Variants in ADGRB3 observed in about 807,000 individuals in gnomAD.
ADGRB3 encodes adhesion G protein-coupled receptor B3, also known as brain-specific angiogenesis inhibitor 3.
Under a neutral mutation model 193.4 loss-of-function variants are expected in ADGRB3, and 37 were observed. The ratio of observed to expected loss-of-function variants is 0.19; its 90% CI spans 0.15 to 0.25. The LOEUF (loss-of-function observed/expected upper bound fraction) is 0.25. ADGRB3 is among the 10% of genes least tolerant of loss of function. The pLI is 1.00. For missense variants in ADGRB3, 1,637 were observed against 1,852.9 expected (o/e 0.88, Z 2.14); for synonymous variants, 690 against 644.2 (o/e 1.07, Z -1.08).
intron 20 of ADGRB3, among the ~76,000 whole-genome samples, chr6:69,247,003 A>G (rs1414174894): frequency 6.6e-6 from 1 of 152,154 alleles, no homozygotes; most frequent in Non-Finnish European, 1.5e-5. Context: ...GACTTGATCA[A>G]TTCTACTCTC....
At chr6:68,815,602 ATT>A (rs1491320697) in intron 3 of ADGRB3, among the ~76,000 whole-genome samples, 1 of 86,502 alleles carries the variant, frequency 1.2e-5, no homozygotes, top group Non-Finnish European at 2.2e-5. Flanking sequence ...ACCATCAAAA[ATT>A]GTGTGTGTGT....
intron 18 of ADGRB3, among the ~76,000 whole-genome samples, chr6:69,234,109 T>C (rs781030716): frequency 6.6e-6 from 1 of 152,174 alleles, no homozygotes; most frequent in Non-Finnish European, 1.5e-5. Flanking sequence ...TCTGCCTACA[T>C]TTGGCCTAAA....
rs183570911 is a variant in ADGRB3, at chr6:69,361,415, G to A, written c.4142G>A (p.Arg1381His). 11 of 1,612,748 alleles carry A rather than the reference G, an allele frequency of 6.8e-6. No homozygotes were observed. The highest frequency in any genetic ancestry group is 6.7e-5 in the East Asian group (3 of 44,866). Residue 1381 changes from arginine (R) to histidine (H), a missense_variant, in exon 29 of 32, where the codon CGC becomes CAC. Physicochemically the swap from Arg to His is conservative, Grantham distance 29. This residue lies in a region of ADGRB3 where 368 missense variants were observed against 367.4 expected (regional missense o/e 1.00). Transcript: ENST00000370598. ...ATGCAGAATTTGCCCTTTGAACCTC[G>A]CACAGCTGTGAAGAATTTCATGGCC... ...EHMQNLPFEP[R>H]TAVKNFMASE...
intron 30 of ADGRB3, among the ~76,000 whole-genome samples, chr6:69,372,743 G>T (rs1769732573): frequency 1.3e-5 from 2 of 151,984 alleles, no homozygotes; most frequent in African/African-American, 4.8e-5. Context: ...TTTGTAGGGA[G>T]GGGGAATGTC....
chr6:68,644,654 A>C (rs974142626), intron 3 of ADGRB3, among the ~76,000 whole-genome samples: 2 of 152,202 alleles, frequency 1.3e-5, no homozygotes, highest in African/African-American at 2.4e-5. Flanking sequence ...TATTATTAAA[A>C]TTATAGGCCC....
intron 17 of ADGRB3, among the ~76,000 whole-genome samples, chr6:69,087,892 T>G (rs891764694): frequency 6.6e-6 from 1 of 152,210 alleles, no homozygotes; most frequent in African/African-American, 2.4e-5. Context: ...TGCCTTAGCT[T>G]AATGTATTTC....
intron 3 of ADGRB3, among the ~76,000 whole-genome samples, chr6:68,792,257 T>C (rs1344142636): frequency 6.6e-6 from 1 of 152,196 alleles, no homozygotes; most frequent in Non-Finnish European, 1.5e-5. Flanking sequence ...AGGAATCCAC[T>C]TGTGTCTTCC....
At chr6:69,158,333 T>C (rs1247286318) in intron 17 of ADGRB3, among the ~76,000 whole-genome samples, 1 of 151,860 alleles carries the variant, frequency 6.6e-6, no homozygotes, top group African/African-American at 2.4e-5. Flanking sequence ...TTCCCCCATC[T>C]CTCATAGCTA....
chr6:69,012,987 G>A (rs796335602), intron 11 of ADGRB3, among the ~76,000 whole-genome samples: 9 of 152,066 alleles, frequency 5.9e-5, no homozygotes, highest in African/African-American at 2.2e-4. Flanking sequence ...AGACGAGATG[G>A]GTTCTGAGAA....
At chr6:69,219,450 T>C (rs1158308309) in intron 17 of ADGRB3, among the ~76,000 whole-genome samples, 1 of 119,888 alleles carries the variant, frequency 8.3e-6, no homozygotes, top group Non-Finnish European at 1.8e-5. Flanking sequence ...AACTTAAAAA[T>C]ACACACACAC....
intron 3 of ADGRB3, among the ~76,000 whole-genome samples, chr6:68,905,693 G>T (rs570963014): frequency 4.3e-4 from 66 of 152,058 alleles, no homozygotes; most frequent in Non-Finnish European, 7.6e-4. Context: ...TCATCCCCAC[G>T]TCTCCTTGCT....
intron 17 of ADGRB3, among the ~76,000 whole-genome samples, chr6:69,183,691 G>A (rs1442494432): frequency 6.6e-6 from 1 of 152,024 alleles, no homozygotes; most frequent in African/African-American, 2.4e-5. Context: ...AAATCCATAT[G>A]TTAACCTTAA....
At chr6:69,093,534 T>G (rs1772776603) in intron 17 of ADGRB3, among the ~76,000 whole-genome samples, 2 of 144,194 alleles carry the variant, frequency 1.4e-5, no homozygotes, top group Non-Finnish European at 3.0e-5. Flanking sequence ...CAGGGGGATA[T>G]GGGGTTGGGC....
intron 23 of ADGRB3, chr6:69,332,500 A>G: frequency 1.0e-6 from 1 of 985,374 alleles, no homozygotes; most frequent in Non-Finnish European, 1.2e-6. Context: ...AATCATCAGC[A>G]CCTTTTGCTG....
intron 3 of ADGRB3, among the ~76,000 whole-genome samples, chr6:68,772,879 A>AAACAAAC (rs1766650012): frequency 5.3e-5 from 1 of 18,892 alleles, no homozygotes; most frequent in African/African-American, 2.2e-4. Context: ...ACAAACAAAC[A>AAACAAAC]AACAAAAAAA....
Position 68,887,727 on chromosome 6 carries a change from T to C in ADGRB3, c.758-42832T>C, listed in dbSNP as rs530312465. Among the ~76,000 whole-genome samples the C allele has an allele frequency of 5.4e-4, 83 of 152,296 alleles. 1 individual carries two copies. The highest frequency in any genetic ancestry group is 1.9e-3 in the African/African-American group (79 of 41,582). Reference sequence around the variant, plus strand: ...TTGTCTTATGTAATTTATTTTTTTATGAGGATTATATTTTTAAAAACACCT... The same window carrying C: ...TTGTCTTATGTAATTTATTTTTTTACGAGGATTATATTTTTAAAAACACCT... On this transcript the variant is annotated intron_variant, in intron 3 of 31. Transcript: ENST00000370598.
chr6:69,331,694 A>G, intron 23 of ADGRB3: 1 of 985,364 alleles, frequency 1.0e-6, no homozygotes, highest in Non-Finnish European at 1.2e-6. Context: ...CAACTGAACT[A>G]TTTCCCTAAG....
chr6:69,214,079 G>A (rs766924872), intron 17 of ADGRB3, among the ~76,000 whole-genome samples: 3 of 152,092 alleles, frequency 2.0e-5, no homozygotes, highest in Non-Finnish European at 4.4e-5. Context: ...AAAATATTAA[G>A]GAAAGTTTTA....
intron 31 of ADGRB3, among the ~76,000 whole-genome samples, chr6:69,383,382 A>G (rs1423782848): frequency 1.3e-5 from 2 of 151,986 alleles, no homozygotes; most frequent in Non-Finnish European, 2.9e-5. Flanking sequence ...ATTTTGTGGT[A>G]AGAATTTTCG....
Sources: gnomAD v4.1 joint callset for allele counts (sites outside exome capture counted in the v4.1 genomes callset) on GRCh38, gnomAD v4.1.1 for gene constraint, gnomAD v4.1.1 regional missense constraint, MANE v1.5 for transcripts, NCBI Gene and HGNC (gene_info 2026-07-23, HGNC 2026-07-21) for gene names.